Variants in ZNF516 observed in about 807,000 individuals in gnomAD.
ZNF516 encodes zinc finger protein 516.
In ZNF516, 19 loss-of-function variants were observed where a neutral mutation model predicts 79.7. The ratio of observed to expected loss-of-function variants is 0.24; its 90% CI spans 0.17 to 0.35. ZNF516 has a LOEUF of 0.35. ZNF516 is among the 10% of genes least tolerant of loss of function. The pLI, the probability that ZNF516 is intolerant of heterozygous loss-of-function variation, is 1.00. For synonymous variants in ZNF516, 877 were observed against 739.5 expected (o/e 1.19, Z -3.02); for missense variants, 1,678 against 1,679.5 (o/e 1.00, Z 0.02).
chr18:76,490,641 AG>A, intron 1 of ZNF516: 1 of 414,096 alleles, frequency 2.4e-6, no homozygotes, highest in Non-Finnish European at 3.3e-6. Flanking sequence ...TTTACTCCAT[AG>A]CCCCATGGTG....
At chr18:76,404,394 T>C (rs573010719) in intron 3 of ZNF516, among the ~76,000 whole-genome samples, 1 of 152,102 alleles carries the variant, frequency 6.6e-6, no homozygotes, top group South Asian at 2.1e-4. Context: ...AGTTTTAGAG[T>C]ATCTGTGTGA....
upstream of ZNF516, chr18:76,495,712 C>T (rs1915455658): frequency 5.9e-6 from 7 of 1,187,290 alleles, 1 homozygote; most frequent in African/African-American, 1.7e-5. Context: ...GCTCGGGATG[C>T]GGGTCCCGCC....
intron 3 of ZNF516, among the ~76,000 whole-genome samples, chr18:76,436,645 G>C (rs2075741107): frequency 6.6e-6 from 1 of 152,122 alleles, no homozygotes; most frequent in African/African-American, 2.4e-5. Flanking sequence ...CTTAGAAGAA[G>C]TACCATATAA....
intron 1 of ZNF516, among the ~76,000 whole-genome samples, chr18:76,473,049 CTGA>C (rs1222375576): frequency 1.3e-5 from 2 of 152,130 alleles, no homozygotes; most frequent in African/African-American, 4.8e-5. Flanking sequence ...TGTATTACTA[CTGA>C]TGTTGATACA....
At chr18:76,397,920 G>A (rs927166491) in intron 3 of ZNF516, among the ~76,000 whole-genome samples, 4 of 152,134 alleles carry the variant, frequency 2.6e-5, no homozygotes, top group Non-Finnish European at 4.4e-5. Context: ...TTTGATGTCC[G>A]AACAAAAACA....
chr18:76,396,078 G>C lies in ZNF516; in HGVS notation c.1811-15775C>G, dbSNP rs865944435. On this transcript the variant is annotated intron_variant, in intron 3 of 6. Transcript: ENST00000443185. Reference sequence around the variant, plus strand: ...GCCAGATGGAATATTTGAGGTGATGGCCTCGAATGGTAGATGGTGCTCAGG... The same window carrying C: ...GCCAGATGGAATATTTGAGGTGATGCCCTCGAATGGTAGATGGTGCTCAGG... Among the ~76,000 whole-genome samples the C allele has an allele frequency of 8.5e-5, 13 of 152,288 alleles. 1 individual carries two copies. In the South Asian group the frequency reaches 2.7e-3, roughly 32 times the overall value.
intron 1 of ZNF516, among the ~76,000 whole-genome samples, chr18:76,473,803 A>C (rs1220628799): frequency 1.4e-5 from 2 of 146,578 alleles, no homozygotes; most frequent in African/African-American, 4.9e-5. Context: ...TCCATCTCCA[A>C]AAAAAAAAAA....
Position 76,378,931 on chromosome 18 carries a change from A to G in ZNF516, c.3183T>C (p.Phe1061=), listed in dbSNP as rs777870057. 5.0e-6 allele frequency: 8 copies of G among 1,613,842 alleles called. No homozygotes were observed. The East Asian group carries it at 1.6e-4, about 31-fold the overall frequency. ...CAAAGTCCTTTGGAATGTACGTCTT[A>G]AAGATGTTGAGGATGTCCAGGCGCT... ...HEKRLDILNI[F]KTYIPKDFAT... Residue 1061 remains phenylalanine (F), a synonymous_variant, in exon 4 of 7, where the codon TTT becomes TTC. Transcript: ENST00000443185.
At chr18:76,390,333 C>T (rs2075052972) in intron 3 of ZNF516, among the ~76,000 whole-genome samples, 1 of 152,186 alleles carries the variant, frequency 6.6e-6, no homozygotes, top group South Asian at 2.1e-4. Flanking sequence ...TAATGAAATC[C>T]ACAAGGAACC....
At chr18:76,392,419 C>T (rs1360083925) in intron 3 of ZNF516, among the ~76,000 whole-genome samples, 3 of 152,156 alleles carry the variant, frequency 2.0e-5, no homozygotes, top group Non-Finnish European at 4.4e-5. Flanking sequence ...CAACACAAGT[C>T]ACCCAGGAAG....
chr18:76,466,183 T>C (rs17355696), intron 1 of ZNF516, among the ~76,000 whole-genome samples: 2 of 152,038 alleles, frequency 1.3e-5, no homozygotes, highest in African/African-American at 2.4e-5. Flanking sequence ...CGGGAGAGAT[T>C]TGATTTACGA....
chr18:76,482,313 G>A (rs960672668), intron 1 of ZNF516, among the ~76,000 whole-genome samples: 1 of 152,100 alleles, frequency 6.6e-6, no homozygotes, highest in Non-Finnish European at 1.5e-5. Context: ...TCCATTGCCC[G>A]TTCTTTATTT....
rs3991208 is a variant in ZNF516, at chr18:76,360,644, A to ATAT, written c.*1853_*1854insATA. On this transcript the variant is annotated 3_prime_UTR_variant, in exon 7 of 7. Coordinates refer to ENST00000443185, the MANE Select transcript of ZNF516 (RefSeq NM_014643.4). ...AGAAAAAAATAAGTAAAAAAAAAAA[A>ATAT]AAATATATATATATATATATATATA... The ATAT allele has an allele frequency of 9.8e-4, 100 of 101,618 alleles. No individual in the cohort carries two copies. The highest frequency in any genetic ancestry group is 5.2e-3 in the Middle Eastern group (1 of 192). 6.3% of individuals were successfully genotyped at this position (101,618 alleles called of 1,614,324 possible).
chr18:76,485,285 TG>T (rs1210253872), intron 1 of ZNF516, among the ~76,000 whole-genome samples: 1 of 152,134 alleles, frequency 6.6e-6, no homozygotes, highest in Non-Finnish European at 1.5e-5. Flanking sequence ...AATCTAAATC[TG>T]GGGGGAATAT....
chr18:76,473,613 A>G (rs1480430886), intron 1 of ZNF516, among the ~76,000 whole-genome samples: 7 of 151,996 alleles, frequency 4.6e-5, no homozygotes, highest in Admixed American at 2.0e-4. Context: ...CATCCTAGCT[A>G]ACACGGTGAA....
Position 76,379,957 on chromosome 18 carries a change from A to C in ZNF516, c.2157T>G (p.Ser719=), listed in dbSNP as rs1258949379. ...KLSDLHNKEH[S]GGGKRALAPD... is the part of the protein sequence containing the mutation. ...GGGCCAGCGCCCGCTTCCCTCCCCC[A>C]GAGTGTTCCTTGTTGTGCAAATCGG... is the stretch of plus-strand genomic sequence containing the variant. The change falls in exon 4 of 7, where the codon TCT becomes TCG. Residue 719 remains serine, a synonymous_variant. Transcript: ENST00000443185. 1 of 1,613,980 alleles carries C rather than the reference A, an allele frequency of 6.2e-7. No individual in the cohort carries two copies. The highest frequency in any genetic ancestry group is 1.7e-5 in the Admixed American group (1 of 60,030).
intron 3 of ZNF516, among the ~76,000 whole-genome samples, chr18:76,431,835 ATC>A (rs2075665285): frequency 6.6e-6 from 1 of 152,146 alleles, no homozygotes; most frequent in Non-Finnish European, 1.5e-5. Context: ...GCCAAAATCA[ATC>A]TCTTTTCTTT....
chr18:76,373,198 G>C (rs1389859141), intron 4 of ZNF516, among the ~76,000 whole-genome samples: 1 of 149,366 alleles, frequency 6.7e-6, no homozygotes, highest in African/African-American at 2.5e-5. Context: ...ACAGAAGAGA[G>C]AAGAAGCAAA....
At chr18:76,457,658 A>T (rs1022772896) in intron 2 of ZNF516, among the ~76,000 whole-genome samples, 4 of 152,246 alleles carry the variant, frequency 2.6e-5, no homozygotes, top group Admixed American at 2.6e-4. Flanking sequence ...TCGAGGCTGC[A>T]GTGAGCCATG....
Sources: gnomAD v4.1 joint callset for allele counts (sites outside exome capture counted in the v4.1 genomes callset) on GRCh38, gnomAD v4.1.1 for gene constraint, MANE v1.5 for transcripts, NCBI Gene and HGNC (gene_info 2026-07-23, HGNC 2026-07-21) for gene names.